NPSR1: variants seen among roughly 807,000 people sequenced by gnomAD.
The protein encoded by NPSR1 is neuropeptide S receptor 1.
Under a neutral mutation model 46.9 loss-of-function variants are expected in NPSR1, and 48 were observed. The ratio of observed to expected loss-of-function variants is 1.02; its 90% CI spans 0.81 to 1.30. NPSR1 has a LOEUF of 1.30. Among genes scored for constraint, NPSR1 ranks in the 50% most tolerant of loss-of-function variants. The pLI, the probability that NPSR1 is intolerant of heterozygous loss-of-function variation, is 0.00. For missense variants in NPSR1, 450 were observed against 449.5 expected (o/e 1.00, Z -0.01); for synonymous variants, 176 against 168.1 (o/e 1.05, Z -0.36).
At chr7:34,814,923 CA>C (rs1198502667) in intron 4 of NPSR1, among the ~76,000 whole-genome samples, 2 of 152,282 alleles carry the variant, frequency 1.3e-5, no homozygotes, top group East Asian at 3.9e-4. Flanking sequence ...TCACCAATAT[CA>C]AAGACCAAAG....
At chr7:34,674,099 A>T (rs1157103158) in intron 1 of NPSR1, among the ~76,000 whole-genome samples, 1 of 152,194 alleles carries the variant, frequency 6.6e-6, no homozygotes, top group Non-Finnish European at 1.5e-5. Context: ...CTCCTGAACT[A>T]GCCCAGTCCT....
chr7:34,755,127 T>C (rs1785758451), intron 2 of NPSR1, among the ~76,000 whole-genome samples: 1 of 152,198 alleles, frequency 6.6e-6, no homozygotes, highest in Admixed American at 6.5e-5. Context: ...GTTTTTTCTC[T>C]TGGGTATGTA....
intron 2 of NPSR1, among the ~76,000 whole-genome samples, chr7:34,770,865 T>C (rs1786650004): frequency 6.6e-6 from 1 of 152,210 alleles, no homozygotes; most frequent in South Asian, 2.1e-4. Flanking sequence ...GGTCATTCTC[T>C]TCCAAGATGG....
intron 2 of NPSR1, among the ~76,000 whole-genome samples, chr7:34,723,023 G>A (rs1160379701): frequency 1.3e-5 from 2 of 152,152 alleles, no homozygotes; most frequent in African/African-American, 2.4e-5. Context: ...CACCAAATTC[G>A]AATAAACATT....
intron 1 of NPSR1, among the ~76,000 whole-genome samples, chr7:34,660,502 G>A (rs1562632731): frequency 6.6e-6 from 1 of 151,722 alleles, no homozygotes; most frequent in Non-Finnish European, 1.5e-5. Flanking sequence ...GAAGAAATTC[G>A]AAACCATGCT....
At chr7:34,673,392 G>A (rs1300450150) in intron 1 of NPSR1, among the ~76,000 whole-genome samples, 6 of 152,122 alleles carry the variant, frequency 3.9e-5, no homozygotes, top group African/African-American at 1.4e-4. Flanking sequence ...ATTTTCAGGA[G>A]AGTTTCCCAC....
intron 2 of NPSR1, among the ~76,000 whole-genome samples, chr7:34,772,730 T>G (rs919768288): frequency 1.3e-5 from 2 of 152,156 alleles, no homozygotes; most frequent in Non-Finnish European, 2.9e-5. Context: ...GGGGGCCTGC[T>G]GAAGATGCTT....
At chr7:34,783,042 T>G (rs1469562323) in intron 3 of NPSR1, among the ~76,000 whole-genome samples, 1 of 151,848 alleles carries the variant, frequency 6.6e-6, no homozygotes, top group Non-Finnish European at 1.5e-5. Flanking sequence ...ACAAAGAATT[T>G]GTGAAGTGAA....
intron 2 of NPSR1, among the ~76,000 whole-genome samples, chr7:34,739,702 C>A (rs1784847058): frequency 6.6e-6 from 1 of 152,202 alleles, no homozygotes; most frequent in Admixed American, 6.5e-5. Flanking sequence ...CCGAGCAGGT[C>A]TACCAGGCTC....
At chr7:34,875,875 G>T (rs1791562798) in intron 8 of NPSR1, among the ~76,000 whole-genome samples, 1 of 152,110 alleles carries the variant, frequency 6.6e-6, no homozygotes, top group African/African-American at 2.4e-5. Flanking sequence ...GGCATTGTGT[G>T]TGCACCATGC....
chr7:34,691,638 T>A (rs1793265509), intron 2 of NPSR1, among the ~76,000 whole-genome samples: 1 of 152,180 alleles, frequency 6.6e-6, no homozygotes, highest in Non-Finnish European at 1.5e-5. Context: ...CATATAATGA[T>A]AAAAGGTTCA....
chr7:34,849,313 T>G, intron 8 of NPSR1: 1 of 1,531,682 alleles, frequency 6.5e-7, no homozygotes, highest in Non-Finnish European at 8.9e-7. Flanking sequence ...CTTCTTCATC[T>G]GTAAAACAGG....
intron 5 of NPSR1, 83 bp from the exon 6 acceptor site, chr7:34,834,301 G>C (rs909295467): frequency 4.8e-5 from 46 of 967,988 alleles, no homozygotes; most frequent in African/African-American, 1.1e-4. Flanking sequence ...CCTTGCACTC[G>C]GGGAGGTGGG....
chr7:34,689,194 G>A (rs1254286085), intron 2 of NPSR1, among the ~76,000 whole-genome samples: 1 of 152,210 alleles, frequency 6.6e-6, no homozygotes, highest in East Asian at 1.9e-4. Flanking sequence ...CATTGCCCAA[G>A]TCAGCAGAAC....
intron 8 of NPSR1, among the ~76,000 whole-genome samples, chr7:34,859,460 T>A (rs956166440): frequency 1.3e-5 from 2 of 151,536 alleles, no homozygotes; most frequent in Non-Finnish European, 2.9e-5. Context: ...GCGGTGATGT[T>A]AGCCCCAGAG....
At chr7:34,785,636 C>T (rs1000053845) in intron 3 of NPSR1, among the ~76,000 whole-genome samples, 1 of 151,944 alleles carries the variant, frequency 6.6e-6, no homozygotes, top group Admixed American at 6.6e-5. Flanking sequence ...TCACTGATAT[C>T]ATTAGGATAA....
chr7:34,744,397 T>C (rs557722426), intron 2 of NPSR1, among the ~76,000 whole-genome samples: 1 of 152,326 alleles, frequency 6.6e-6, no homozygotes, highest in East Asian at 1.9e-4. Context: ...CAAGTCTACA[T>C]GTGCCTAACC....
In NPSR1 at chr7:34,663,701, G is replaced by A. The variant is rs527282729; in HGVS notation, c.147+5142G>A. On this transcript the variant is annotated intron_variant, in intron 1 of 8. Transcript: ENST00000360581. ...TGCTGCGCCATCAAACTCTTCCATC[G>A]CCCTCAGCGACCCCCCTGTCATGGG... is the stretch of plus-strand genomic sequence containing the variant. Among the ~76,000 whole-genome samples, 27 of 152,160 alleles carry A rather than the reference G, an allele frequency of 1.8e-4. No individual in the cohort carries two copies. In the South Asian group the frequency reaches 2.3e-3, roughly 13 times the overall value.
At chr7:34,814,518 C>A (rs1299452283) in intron 4 of NPSR1, among the ~76,000 whole-genome samples, 1 of 152,212 alleles carries the variant, frequency 6.6e-6, no homozygotes, top group African/African-American at 2.4e-5. Context: ...CGTCCCTGTT[C>A]GACAGCTCTG....
Sources: gnomAD v4.1 joint callset for allele counts (sites outside exome capture counted in the v4.1 genomes callset) on GRCh38, gnomAD v4.1.1 for gene constraint, MANE v1.5 for transcripts, NCBI Gene and HGNC (gene_info 2026-07-23, HGNC 2026-07-21) for gene names.